TESK2: variants seen among roughly 807,000 people sequenced by gnomAD.
TESK2 encodes dual specificity testis-specific protein kinase 2.
TESK2 carries 39 observed loss-of-function variants against 57.1 expected under a neutral mutation model. That is an observed-to-expected ratio of 0.68 (90% CI 0.53 to 0.89). The LOEUF (loss-of-function observed/expected upper bound fraction) is 0.89, where lower values mean the gene tolerates loss of function less well. TESK2 is among the 40% of genes least tolerant of loss of function. The pLI, the probability that TESK2 is intolerant of heterozygous loss-of-function variation, is 0.00. For missense variants in TESK2, 646 were observed against 732.1 expected (o/e 0.88, Z 1.36); for synonymous variants, 249 against 267.9 (o/e 0.93, Z 0.69).
intron 4 of TESK2, among the ~76,000 whole-genome samples, chr1:45,371,687 A>AC (rs1329681076): frequency 1.3e-5 from 2 of 151,594 alleles, no homozygotes; most frequent in African/African-American, 4.8e-5. Flanking sequence ...ACATGGTGAA[A>AC]CCCCATCTCT....
At chr1:45,357,488 G>T (rs955402099) in intron 4 of TESK2, among the ~76,000 whole-genome samples, 1 of 150,686 alleles carries the variant, frequency 6.6e-6, no homozygotes, top group Non-Finnish European at 1.5e-5. Flanking sequence ...AGGTTATGGA[G>T]AAACTATTTG....
chr1:45,396,494 CTT>C (rs796355065), intron 3 of TESK2, among the ~76,000 whole-genome samples: 3 of 146,080 alleles, frequency 2.1e-5, no homozygotes, highest in Admixed American at 6.8e-5. Flanking sequence ...TGAGATAACT[CTT>C]TTTTTTTTTT....
chr1:45,378,466 G>A (rs553909356), intron 4 of TESK2, among the ~76,000 whole-genome samples: 1 of 152,288 alleles, frequency 6.6e-6, no homozygotes, highest in East Asian at 1.9e-4. Flanking sequence ...GCTGTGGGAA[G>A]CCTAAGCCAT....
intron 2 of TESK2, among the ~76,000 whole-genome samples, chr1:45,445,624 C>CAAAAAAAAA (rs747691865): frequency 9.3e-6 from 1 of 108,098 alleles, no homozygotes. Flanking sequence ...CTGTCTCTAC[C>CAAAAAAAAA]AAAAAAAAAA....
intron 1 of TESK2, among the ~76,000 whole-genome samples, chr1:45,487,389 T>A (rs1052997464): frequency 3.3e-5 from 5 of 152,306 alleles, no homozygotes; most frequent in African/African-American, 1.2e-4. Flanking sequence ...CCTATAGGAC[T>A]TACTATCTCC....
At chr1:45,366,820 A>G (rs1399460968) in intron 4 of TESK2, among the ~76,000 whole-genome samples, 1 of 152,208 alleles carries the variant, frequency 6.6e-6, no homozygotes, top group Non-Finnish European at 1.5e-5. Context: ...TTTCCAATAA[A>G]TATCATGCAA....
chr1:45,488,070 C>T (rs1557593320), intron 1 of TESK2, among the ~76,000 whole-genome samples: 1 of 151,992 alleles, frequency 6.6e-6, no homozygotes, highest in Admixed American at 6.6e-5. Flanking sequence ...TGCACCACCA[C>T]ACCCAGCTAA....
chr1:45,414,018 C>A, intron 3 of TESK2: 1 of 341,570 alleles, frequency 2.9e-6, no homozygotes, highest in Non-Finnish European at 5.8e-6. Context: ...ATTCTAAGAA[C>A]CTTGAGAATA....
intron 2 of TESK2, among the ~76,000 whole-genome samples, chr1:45,433,222 G>A (rs1471111884): frequency 6.6e-6 from 1 of 151,282 alleles, no homozygotes; most frequent in African/African-American, 2.4e-5. Flanking sequence ...CTACAGGCAC[G>A]TACCCACCAT....
chr1:45,368,462 C>T (rs987709396), intron 4 of TESK2, among the ~76,000 whole-genome samples: 1 of 151,976 alleles, frequency 6.6e-6, no homozygotes, highest in African/African-American at 2.4e-5. Flanking sequence ...GCAACCTCCG[C>T]CTCTGGGTTC....
At chr1:45,414,958 A>AT in intron 3 of TESK2, 2 of 568,516 alleles carry the variant, frequency 3.5e-6, no homozygotes, top group African/African-American at 1.9e-5. Flanking sequence ...GAGTAAATGA[A>AT]TAAAAAAAAG....
At chr1:45,427,361 A>G (rs2149288919) in intron 2 of TESK2, among the ~76,000 whole-genome samples, 1 of 152,356 alleles carries the variant, frequency 6.6e-6, no homozygotes, top group Non-Finnish European at 1.5e-5. Context: ...AGGTTCCTCA[A>G]AAAACTAAGA....
chr1:45,452,653 A>G (rs149092251), intron 2 of TESK2, among the ~76,000 whole-genome samples: 4 of 152,078 alleles, frequency 2.6e-5, no homozygotes, highest in Non-Finnish European at 5.9e-5. Flanking sequence ...TAACGCCTAT[A>G]ACCCAGCATT....
intron 3 of TESK2, chr1:45,413,954 C>A: frequency 2.4e-6 from 1 of 408,336 alleles, no homozygotes; most frequent in Non-Finnish European, 4.9e-6. Context: ...AATTTAAATC[C>A]TAAGTATTAA....
intron 3 of TESK2, among the ~76,000 whole-genome samples, chr1:45,412,079 C>G (rs886733025): frequency 1.3e-5 from 2 of 152,070 alleles, no homozygotes; most frequent in African/African-American, 4.8e-5. Flanking sequence ...GTGAATTGTA[C>G]AAGAGAAAGA....
rs184954225 is a variant in TESK2, at chr1:45,434,630, G to A, written c.223-12784C>T. 1.7e-4 allele frequency among the ~76,000 whole-genome samples: 26 copies of A among 152,140 alleles called. No individual in the cohort carries two copies. In the Middle Eastern group the frequency reaches 0.01, roughly 60 times the overall value. ...TGACCATTCCTATGTTTTCTTTCAAGAAATTTCTGTTCATGTCCTTTGCCC... is the reference window on the plus strand; with the variant it reads ...TGACCATTCCTATGTTTTCTTTCAAAAAATTTCTGTTCATGTCCTTTGCCC... On this transcript the variant is annotated intron_variant, in intron 2 of 10. Coordinates refer to ENST00000372086, the MANE Select transcript of TESK2 (RefSeq NM_007170.3).
rs925827302 is a variant in TESK2 at position 45,439,500 on chromosome 1, A to C, written c.223-17654T>G. On this transcript the variant is annotated intron_variant, in intron 2 of 10. Transcript: ENST00000372086. The stretch of plus-strand genomic sequence containing the variant: ...CAGAAATAATAACTAGCCCTTAAAT[A>C]GGGTGAATTATTTATAACATTATTC... Among the ~76,000 whole-genome samples, 6 of 152,338 alleles carry C rather than the reference A, an allele frequency of 3.9e-5. 1 individual carries two copies. The East Asian group carries it at 1.2e-3, about 29-fold the overall frequency.
intron 1 of TESK2, among the ~76,000 whole-genome samples, chr1:45,479,961 T>C (rs1040409847): frequency 9.9e-5 from 15 of 151,522 alleles, no homozygotes; most frequent in African/African-American, 3.6e-4. Context: ...TAGCTGGAAC[T>C]ACAGGCGCAT....
chr1:45,457,459 G>A (rs1380223254), intron 2 of TESK2, 105 bp downstream of exon 2: 1 of 990,618 alleles, frequency 1.0e-6, no homozygotes, highest in East Asian at 2.4e-5. Flanking sequence ...AAGATCCACA[G>A]CACCTTTATT....
Sources: allele counts gnomAD v4.1 joint callset (sites outside exome capture counted in the v4.1 genomes callset), GRCh38; gene constraint gnomAD v4.1.1; transcripts MANE v1.5; gene names NCBI Gene and HGNC (gene_info 2026-07-23, HGNC 2026-07-21).